Variants in TSHZ3 observed in about 807,000 individuals in gnomAD.
TSHZ3 encodes the protein teashirt homolog 3.
A neutral mutation model predicts 64.5 loss-of-function variants in TSHZ3; 10 were observed. The ratio of observed to expected loss-of-function variants is 0.16; its 90% CI spans 0.10 to 0.26. The LOEUF is 0.26. TSHZ3 is among the 10% of genes least tolerant of loss of function. The pLI, the probability that TSHZ3 is intolerant of heterozygous loss-of-function variation, is 1.00. For synonymous variants in TSHZ3, 608 were observed against 593.1 expected (o/e 1.03, Z -0.36); for missense variants, 1,242 against 1,421.7 (o/e 0.87, Z 2.03).
chr19:31,175,237 G>A (rs1189429831), intron 5 of TSHZ3, among the ~76,000 whole-genome samples: 4 of 152,094 alleles, frequency 2.6e-5, no homozygotes, highest in Admixed American at 2.0e-4. Flanking sequence ...TTCTTACATT[G>A]CGCTTTCCTG....
intron 5 of TSHZ3, among the ~76,000 whole-genome samples, chr19:31,157,228 C>T (rs1488393313): frequency 6.6e-6 from 1 of 152,094 alleles, no homozygotes; most frequent in Non-Finnish European, 1.5e-5. Flanking sequence ...TCTACTGTCA[C>T]TAGAACAGTA....
intron 1 of TSHZ3, among the ~76,000 whole-genome samples, chr19:31,333,740 ACCACCTGGACCAG>A (rs1038542648): frequency 3.9e-5 from 6 of 152,032 alleles, no homozygotes; most frequent in African/African-American, 1.4e-4. Flanking sequence ...TCATCCTGGG[ACCACCTGGACCAG>A]CCAGGCCCCC....
At position 31,203,663 on chromosome 19, in the gene TSHZ3, C is replaced by A. The variant is rs147721642; in HGVS notation, n.809+1293G>T. Among the ~76,000 whole-genome samples, 583 of 152,222 alleles carry A rather than the reference C, an allele frequency of 3.8e-3. 3 individuals carry two copies. Among genetic ancestry groups the A allele is most frequent in the African/African-American group, 0.013 (549 of 41,536 alleles). On this transcript the variant is annotated intron_variant and non_coding_transcript_variant, in intron 5 of 6. Transcript: ENST00000651361. ...AGAAACAGCTCTGGGGAGAAAGCAG[C>A]AGGATCTCCCCTCAGGTGCTCACTC...
intron 4 of TSHZ3, among the ~76,000 whole-genome samples, chr19:31,225,033 G>T (rs1183598811): frequency 6.6e-6 from 1 of 152,200 alleles, no homozygotes; most frequent in African/African-American, 2.4e-5. Context: ...GGAGGCCTCT[G>T]GAGAAGAGGA....
At chr19:31,200,643 C>T (rs535353514) in intron 5 of TSHZ3, among the ~76,000 whole-genome samples, 2 of 152,078 alleles carry the variant, frequency 1.3e-5, no homozygotes, top group African/African-American at 2.4e-5. Flanking sequence ...CACAATACTA[C>T]GATGTTGCAT....
chr19:31,282,161 T>C (rs1302318233), intron 1 of TSHZ3, among the ~76,000 whole-genome samples: 4 of 151,900 alleles, frequency 2.6e-5, no homozygotes, highest in African/African-American at 9.7e-5. Flanking sequence ...CATAGTACGG[T>C]TTTATTGTAA....
At chr19:31,166,687 TG>T (rs1437690166) in intron 5 of TSHZ3, among the ~76,000 whole-genome samples, 1 of 152,204 alleles carries the variant, frequency 6.6e-6, no homozygotes, top group Non-Finnish European at 1.5e-5. Context: ...ATGCCGGTGC[TG>T]GGATGAAATG....
rs557305412 is a variant in TSHZ3 at position 31,172,588 on chromosome 19, C to T, written n.810-16171G>A. ...GTGAACAAAACTGGGAAAACAATCC[C>T]TATACTTTAACGTTCTAGTGGAAAG... is the stretch of plus-strand genomic sequence containing the variant. On this transcript the variant is annotated intron_variant and non_coding_transcript_variant, in intron 5 of 6. Coordinates refer to the TSHZ3 transcript ENST00000651361. Among the ~76,000 whole-genome samples, 14 of 152,290 alleles carry T rather than the reference C, an allele frequency of 9.2e-5. No homozygotes were observed. The South Asian group carries it at 2.9e-3, about 32-fold the overall frequency.
intron 1 of TSHZ3, among the ~76,000 whole-genome samples, chr19:31,321,439 T>A (rs1916768585): frequency 6.6e-6 from 1 of 152,248 alleles, no homozygotes; most frequent in Non-Finnish European, 1.5e-5. Flanking sequence ...CCGTTGTTTT[T>A]AACTGCCCAC....
rs560359408 is a variant in TSHZ3, at chr19:31,333,614, AAAAC to A, written c.40+15562_40+15565del. 1.6e-3 allele frequency among the ~76,000 whole-genome samples: 238 copies of A among 152,138 alleles called. 7 individuals are homozygous for A. The South Asian group carries it at 0.048, about 31-fold the overall frequency. On this transcript the variant is annotated intron_variant, in intron 1 of 1. Transcript: ENST00000240587. ...ATGGAAGGTTCTGCTTGCAACAAAAAAAACAAACATGCTGATGTCACTCCAACCT... is the reference window on the plus strand; with the variant it reads ...ATGGAAGGTTCTGCTTGCAACAAAAAAAACATGCTGATGTCACTCCAACCT...
chr19:31,348,505 G>C (rs995984056), intron 1 of TSHZ3, among the ~76,000 whole-genome samples: 4 of 150,138 alleles, frequency 2.7e-5, no homozygotes, highest in African/African-American at 9.8e-5. Context: ...AAAGTACTCA[G>C]ACACGTCCCA....
In TSHZ3 at chr19:31,256,590, T is replaced by C. The variant is rs144066171; in HGVS notation, n.64-13715A>G. On this transcript the variant is annotated intron_variant and non_coding_transcript_variant, in intron 1 of 6. Coordinates refer to the TSHZ3 transcript ENST00000651361. ...ACATGTACAGAGTATGTTCATTCTT[T>C]TTTATCATATATGCCTTCATTTTCC... Among the ~76,000 whole-genome samples, 23 of 152,318 alleles carry C rather than the reference T, an allele frequency of 1.5e-4. 1 individual carries two copies. In the East Asian group the frequency reaches 4.4e-3, roughly 29 times the overall value.
At chr19:31,231,898 T>TA in intron 3 of TSHZ3, among the ~76,000 whole-genome samples, 1 of 152,172 alleles carries the variant, frequency 6.6e-6, no homozygotes, top group South Asian at 2.1e-4. Flanking sequence ...ATCCATTTTA[T>TA]AAAAATCCCA....
intron 5 of TSHZ3, among the ~76,000 whole-genome samples, chr19:31,191,618 A>C (rs1192339287): frequency 6.6e-6 from 1 of 152,184 alleles, no homozygotes; most frequent in Non-Finnish European, 1.5e-5. Flanking sequence ...GCACTTTGGC[A>C]GGCTGAGGTG....
upstream of TSHZ3, chr19:31,349,518 G>C (rs2145208880): frequency 5.7e-6 from 2 of 348,622 alleles, no homozygotes; most frequent in East Asian, 9.1e-5. Context: ...AGGAGGAGGA[G>C]GAGGACCGCG....
chr19:31,261,238 C>G (rs1378787784), intron 1 of TSHZ3, among the ~76,000 whole-genome samples: 1 of 152,178 alleles, frequency 6.6e-6, no homozygotes, highest in African/African-American at 2.4e-5. Flanking sequence ...CTCTGCCAGC[C>G]ACTGAACACT....
intron 4 of TSHZ3, among the ~76,000 whole-genome samples, chr19:31,208,551 A>C (rs1181556572): frequency 2.0e-5 from 3 of 152,350 alleles, no homozygotes; most frequent in East Asian, 1.9e-4. Flanking sequence ...TCCACTGTAC[A>C]CTTGAGCTTC....
chr19:31,200,605 G>A lies in TSHZ3; in HGVS notation n.809+4351C>T, dbSNP rs141343166. Among the ~76,000 whole-genome samples, 1,213 of 152,284 alleles carry A rather than the reference G, an allele frequency of 8.0e-3. 17 individuals are homozygous for A. The highest frequency in any genetic ancestry group is 9.9e-3 in the Non-Finnish European group (676 of 68,024). Reference sequence around the variant, plus strand: ...GGCAGGCGAACAGACGAAGCACAAAGGATATTTAGGGGAGTGAAACAATTC... The same window carrying A: ...GGCAGGCGAACAGACGAAGCACAAAAGATATTTAGGGGAGTGAAACAATTC... On this transcript the variant is annotated intron_variant and non_coding_transcript_variant, in intron 5 of 6. Coordinates refer to the TSHZ3 transcript ENST00000651361.
chr19:31,299,879 C>A (rs912359926), intron 1 of TSHZ3, among the ~76,000 whole-genome samples: 11 of 152,344 alleles, frequency 7.2e-5, no homozygotes, highest in Non-Finnish European at 1.3e-4. Context: ...CCACTGTGAA[C>A]ACAGAATGTC....
Sources: gnomAD v4.1 joint callset for allele counts (sites outside exome capture counted in the v4.1 genomes callset) on GRCh38, gnomAD v4.1.1 for gene constraint, MANE v1.5 for transcripts, NCBI Gene and HGNC (gene_info 2026-07-23, HGNC 2026-07-21) for gene names.